GRIK3: variants seen among roughly 807,000 people sequenced by gnomAD.
GRIK3 encodes glutamate receptor ionotropic, kainate 3.
In GRIK3, 29 loss-of-function variants were observed where a neutral mutation model predicts 102.5. That is an observed-to-expected ratio of 0.28 (90% CI 0.21 to 0.39). The LOEUF (loss-of-function observed/expected upper bound fraction) is 0.39, where lower values mean the gene tolerates loss of function less well. Ranked by LOEUF, GRIK3 falls within the 10% of genes least tolerant of loss-of-function variation. The pLI is 1.00. For synonymous variants in GRIK3, 511 were observed against 504.9 expected (o/e 1.01, Z -0.16); for missense variants, 908 against 1,252.4 (o/e 0.73, Z 4.15).
intron 10 of GRIK3, among the ~76,000 whole-genome samples, chr1:36,841,514 C>G (rs1001212492): frequency 6.6e-6 from 1 of 152,188 alleles, no homozygotes; most frequent in Non-Finnish European, 1.5e-5. Context: ...TGTGTGTGTA[C>G]GGAGGAGAAT....
At chr1:36,808,159 C>A (rs189070916) in intron 13 of GRIK3, among the ~76,000 whole-genome samples, 1 of 152,220 alleles carries the variant, frequency 6.6e-6, no homozygotes, top group Non-Finnish European at 1.5e-5. Context: ...TCTGCCTCCC[C>A]CAATGTTTCT....
At chr1:36,887,601 A>G (rs965832550) in intron 2 of GRIK3, among the ~76,000 whole-genome samples, 3 of 151,914 alleles carry the variant, frequency 2.0e-5, no homozygotes, top group Non-Finnish European at 2.9e-5. Context: ...CTAAAAATAC[A>G]AAGAATCATT....
At chr1:36,955,782 G>A (rs1315239757) in intron 1 of GRIK3, among the ~76,000 whole-genome samples, 2 of 152,228 alleles carry the variant, frequency 1.3e-5, no homozygotes, top group Non-Finnish European at 1.5e-5. Flanking sequence ...ACACATTCAC[G>A]CAAGTGCTCA....
intron 1 of GRIK3, among the ~76,000 whole-genome samples, chr1:36,964,758 C>T (rs960415719): frequency 3.9e-5 from 6 of 152,122 alleles, no homozygotes; most frequent in Non-Finnish European, 1.5e-5. Context: ...GTGATATGAC[C>T]AGCACAGCCA....
At chr1:36,846,025 G>A (rs1335660538) in intron 9 of GRIK3, among the ~76,000 whole-genome samples, 2 of 152,210 alleles carry the variant, frequency 1.3e-5, no homozygotes, top group African/African-American at 2.4e-5. Context: ...TGCCCACACC[G>A]TGACACCATG....
intron 1 of GRIK3, among the ~76,000 whole-genome samples, chr1:36,935,477 G>C (rs1641646436): frequency 6.6e-6 from 1 of 152,052 alleles, no homozygotes; most frequent in African/African-American, 2.4e-5. Flanking sequence ...CTCTGAATCT[G>C]GGATAACTGG....
At chr1:36,821,765 A>G (rs1642698405) in intron 11 of GRIK3, among the ~76,000 whole-genome samples, 1 of 152,178 alleles carries the variant, frequency 6.6e-6, no homozygotes, top group Non-Finnish European at 1.5e-5. Context: ...GGCCATGAAG[A>G]GAGGCCTTGC....
chr1:36,853,226 T>C (rs1640605809), intron 8 of GRIK3, among the ~76,000 whole-genome samples: 1 of 152,192 alleles, frequency 6.6e-6, no homozygotes, highest in African/African-American at 2.4e-5. Flanking sequence ...GGTTTTATGT[T>C]TTTTATATTC....
At chr1:36,935,104 TA>T (rs557743482) in intron 1 of GRIK3, among the ~76,000 whole-genome samples, 2 of 152,340 alleles carry the variant, frequency 1.3e-5, no homozygotes, top group East Asian at 3.9e-4. Context: ...CACTTAGGTA[TA>T]CTTGTTCAGC....
chr1:36,978,283 G>A (rs1557449635), intron 1 of GRIK3, among the ~76,000 whole-genome samples: 1 of 152,212 alleles, frequency 6.6e-6, no homozygotes, highest in Admixed American at 6.5e-5. Flanking sequence ...TGCCTGGCAC[G>A]CACTGCACCC....
chr1:36,854,323 G>T (rs1022956749), intron 7 of GRIK3, among the ~76,000 whole-genome samples: 1 of 152,196 alleles, frequency 6.6e-6, no homozygotes, highest in Non-Finnish European at 1.5e-5. Flanking sequence ...ACTAATCATT[G>T]TGTCCATCTT....
chr1:37,031,818 A>T (rs1250873016), intron 1 of GRIK3, among the ~76,000 whole-genome samples: 1 of 152,126 alleles, frequency 6.6e-6, no homozygotes, highest in Non-Finnish European at 1.5e-5. Context: ...GTCCATGTCC[A>T]CTGTAGCTCC....
At chr1:36,995,763 G>A (rs973595728) in intron 1 of GRIK3, among the ~76,000 whole-genome samples, 13 of 152,142 alleles carry the variant, frequency 8.5e-5, no homozygotes, top group South Asian at 2.1e-4. Flanking sequence ...TGAGATCCCC[G>A]TCTCAGGCCA....
chr1:36,931,114 A>G (rs1451214078), intron 1 of GRIK3, among the ~76,000 whole-genome samples: 2 of 152,232 alleles, frequency 1.3e-5, no homozygotes, highest in African/African-American at 4.8e-5. Context: ...GGTTGGAACT[A>G]GAAAGTATTT....
chr1:36,915,388 T>G (rs1641387639), intron 1 of GRIK3, among the ~76,000 whole-genome samples: 1 of 152,220 alleles, frequency 6.6e-6, no homozygotes, highest in Non-Finnish European at 1.5e-5. Flanking sequence ...GGCACATAAT[T>G]GGCATTCAAT....
intron 11 of GRIK3, among the ~76,000 whole-genome samples, chr1:36,820,208 C>G (rs975706066): frequency 1.1e-4 from 17 of 152,078 alleles, no homozygotes; most frequent in African/African-American, 4.1e-4. Flanking sequence ...AACCTGGAAA[C>G]CACCAAAATA....
intron 1 of GRIK3, among the ~76,000 whole-genome samples, chr1:36,988,344 G>A (rs769545517): frequency 3.1e-4 from 47 of 152,238 alleles, no homozygotes; most frequent in Non-Finnish European, 5.1e-4. Context: ...TCCCAGCTCC[G>A]GTTCCAGGGC....
intron 1 of GRIK3, among the ~76,000 whole-genome samples, chr1:36,961,793 C>G (rs1454295870): frequency 6.6e-6 from 1 of 152,234 alleles, no homozygotes. Context: ...TCCAGCCCAC[C>G]TTATCAAGAG....
At chr1:36,964,430 C>T (rs1642059011) in intron 1 of GRIK3, among the ~76,000 whole-genome samples, 1 of 152,208 alleles carries the variant, frequency 6.6e-6, no homozygotes, top group African/African-American at 2.4e-5. Context: ...ACCCCTCTCC[C>T]CTCCTCACAC....
Sources: gnomAD v4.1 joint callset for allele counts (sites outside exome capture counted in the v4.1 genomes callset) on GRCh38, gnomAD v4.1.1 for gene constraint, MANE v1.5 for transcripts, NCBI Gene and HGNC (gene_info 2026-07-23, HGNC 2026-07-21) for gene names.